UGT1A8: variants seen among roughly 807,000 people sequenced by gnomAD.
The protein encoded by UGT1A8 is UDP-glucuronosyltransferase 1A8.
In UGT1A8, 39 loss-of-function variants were observed where a neutral mutation model predicts 45.3. The ratio of observed to expected loss-of-function variants is 0.86; its 90% CI spans 0.67 to 1.12. The LOEUF (loss-of-function observed/expected upper bound fraction) is 1.12, where lower values mean the gene tolerates loss of function less well. Ranked by LOEUF, UGT1A8 falls within the 50% of genes most tolerant of loss-of-function variation. The probability of loss-of-function intolerance (pLI) is 0.00; values close to 1 mark genes in which losing one functional copy is unlikely to be tolerated. For synonymous variants in UGT1A8, 275 were observed against 249.2 expected, an observed-to-expected ratio of 1.10 and a Z score of -0.97; for missense variants, 719 against 664.9, an observed-to-expected ratio of 1.08 and a Z score of -0.90.
At chr2:233,648,664 C>G (rs2073664406) in intron 1 of UGT1A8, 1 of 278,534 alleles carries the variant, frequency 3.6e-6, no homozygotes, top group Admixed American at 4.1e-5. Context: ...CGGGGTTTCA[C>G]CGTGTTAGCC....
intron 1 of UGT1A8, among the ~76,000 whole-genome samples, chr2:233,642,960 C>T (rs888463492): frequency 2.6e-5 from 4 of 152,182 alleles, no homozygotes; most frequent in Non-Finnish European, 5.9e-5. Flanking sequence ...ACACAAGCAT[C>T]CTTGTGGCCA....
intron 4 of UGT1A8, chr2:233,771,715 T>C (rs1700358256): frequency 6.5e-6 from 1 of 152,904 alleles, no homozygotes; most frequent in African/African-American, 2.4e-5. Flanking sequence ...AAGGTTAAAA[T>C]ATTTCTAAAA....
chr2:233,663,567 C>T (rs573094523), intron 1 of UGT1A8, among the ~76,000 whole-genome samples: 28 of 152,182 alleles, frequency 1.8e-4, no homozygotes, highest in East Asian at 7.7e-4. Flanking sequence ...GTCAGAATCT[C>T]GTAACCTCCA....
chr2:233,631,486 C>A (rs552042827), intron 1 of UGT1A8, among the ~76,000 whole-genome samples: 1 of 152,310 alleles, frequency 6.6e-6, no homozygotes, highest in Non-Finnish European at 1.5e-5. Flanking sequence ...TTCTCCACAT[C>A]CTCTCCAGCA....
chr2:233,754,555 A>T (rs1416104293), intron 1 of UGT1A8: 3 of 389,270 alleles, frequency 7.7e-6, no homozygotes, highest in Non-Finnish European at 1.5e-5. Context: ...CTTGGTGTCA[A>T]TGGGGAGCAA....
rs28946879 is a variant in UGT1A8 at position 233,690,780 on chromosome 2, C to T, written c.855+72218C>T. ...AGACATACACACACACACACATACA[C>T]ACACACACACACACACACACCATTC... On this transcript the variant is annotated intron_variant, in intron 1 of 4. Transcript: ENST00000373450. 3.4e-4 allele frequency: 118 copies of T among 349,000 alleles called. No individual in the cohort carries two copies. The African/African-American group carries it at 4.1e-3, about 12-fold the overall frequency. The allele number at this position is 349,000 out of a possible 1,614,324, so 21.6% of individuals were successfully genotyped here. A position where few individuals can be genotyped will look rare whatever the true frequency, so the allele number is the denominator to read the frequency against.
chr2:233,691,086 T>A (rs2075027853), intron 1 of UGT1A8: 9 of 986,154 alleles, frequency 9.1e-6, no homozygotes, highest in Non-Finnish European at 9.6e-6. Context: ...GTTTGTAGCA[T>A]CTCTTGATCC....
chr2:233,769,716 A>G lies in UGT1A8; in HGVS notation c.1295+1277A>G, dbSNP rs1255233011. 6.7e-7 allele frequency: 1 copy of G among 1,492,612 alleles called. No individual in the cohort carries two copies. Among genetic ancestry groups the G allele is most frequent in the East Asian group, 2.5e-5 (1 of 40,446 alleles). The allele number at this position is 1,492,612 out of a possible 1,614,324, so 92.5% of individuals were successfully genotyped here. A position where few individuals can be genotyped will look rare whatever the true frequency, so the allele number is the denominator to read the frequency against. Reference sequence around the variant, plus strand: ...GATAAAAGATCAATGTTGGCTAGGCACCATGGCACACGCCTGTAGTCCCAG... The same window carrying G: ...GATAAAAGATCAATGTTGGCTAGGCGCCATGGCACACGCCTGTAGTCCCAG... On this transcript the variant is annotated intron_variant, in intron 4 of 4. Coordinates refer to ENST00000373450, the MANE Select transcript of UGT1A8 (RefSeq NM_019076.5). The surrounding 1 kb of genome is among the most constrained non-coding windows in gnomAD (Gnocchi z 4.4).
At chr2:233,677,109 G>T (rs1007638228) in intron 1 of UGT1A8, among the ~76,000 whole-genome samples, 1 of 151,970 alleles carries the variant, frequency 6.6e-6, no homozygotes, top group Non-Finnish European at 1.5e-5. Context: ...GATTGGGATT[G>T]TATTTTATTT....
rs773627969 is a variant in UGT1A8 at position 233,672,291 on chromosome 2, A to AT, written c.855+53736dup. 5.2e-5 allele frequency: 84 copies of AT among 1,613,624 alleles called. 1 individual carries two copies. The highest frequency in any genetic ancestry group is 1.6e-4 in the African/African-American group (12 of 74,856). ...GTTCATACAATGACATTTTTGACTT[A>AT]TTTTTTTCAAATTGCAGGAGTTTGT... On this transcript the variant is annotated intron_variant, in intron 1 of 4. Coordinates refer to ENST00000373450, the MANE Select transcript of UGT1A8 (RefSeq NM_019076.5).
At chr2:233,680,812 T>A (rs2074499392) in intron 1 of UGT1A8, among the ~76,000 whole-genome samples, 1 of 152,072 alleles carries the variant, frequency 6.6e-6, no homozygotes, top group Admixed American at 6.5e-5. Flanking sequence ...GGCCTGCAGC[T>A]CTGTTCAGAA....
Position 233,633,843 on chromosome 2 carries a change from T to G in UGT1A8, c.855+15281T>G, listed in dbSNP as rs186423441. 1.8e-3 allele frequency among the ~76,000 whole-genome samples: 268 copies of G among 152,336 alleles called. 1 individual carries two copies. The highest frequency in any genetic ancestry group is 4.3e-3 in the Admixed American group (66 of 15,304). On this transcript the variant is annotated intron_variant, in intron 1 of 4. Transcript: ENST00000373450. ...CTCTGATCTTAGTTTTTTCTTGTCTTCTGCTAGCTTTTGAATTTGTTTGCT... is the reference window on the plus strand; with the variant it reads ...CTCTGATCTTAGTTTTTTCTTGTCTGCTGCTAGCTTTTGAATTTGTTTGCT...
chr2:233,653,031 G>A (rs564738626), intron 1 of UGT1A8, among the ~76,000 whole-genome samples: 1 of 152,250 alleles, frequency 6.6e-6, no homozygotes, highest in African/African-American at 2.4e-5. Flanking sequence ...GAACCCACAT[G>A]GCCTCTCTAA....
At chr2:233,642,830 A>T (rs962723862) in intron 1 of UGT1A8, among the ~76,000 whole-genome samples, 2 of 151,760 alleles carry the variant, frequency 1.3e-5, no homozygotes, top group Non-Finnish European at 2.9e-5. Flanking sequence ...TCCAGCACAT[A>T]CTCTTGCTTT....
At chr2:233,696,930 A>G (rs556497492) in intron 1 of UGT1A8, among the ~76,000 whole-genome samples, 1 of 152,268 alleles carries the variant, frequency 6.6e-6, no homozygotes, top group Middle Eastern at 3.4e-3. Context: ...ATATCAATAA[A>G]TGCATCAGGA....
intron 1 of UGT1A8, chr2:233,728,958 A>T (rs2077771946): frequency 1.4e-6 from 2 of 1,444,154 alleles, no homozygotes; most frequent in African/African-American, 2.9e-5. Context: ...CCCACAGTGA[A>T]AAACAGTGAT....
chr2:233,760,654 C>T (rs1222597079), intron 1 of UGT1A8: 1 of 1,614,218 alleles, frequency 6.2e-7, no homozygotes, highest in Non-Finnish European at 8.5e-7. Context: ...CTCTGCTATG[C>T]TTTTGTCTGG....
At chr2:233,649,669 A>T (rs1334613621) in intron 1 of UGT1A8, among the ~76,000 whole-genome samples, 2 of 152,212 alleles carry the variant, frequency 1.3e-5, no homozygotes, top group African/African-American at 2.4e-5. Flanking sequence ...TGGATGCAAC[A>T]TAGACACAAG....
intron 1 of UGT1A8, chr2:233,730,138 A>G (rs1337781035): frequency 1.2e-5 from 19 of 1,525,120 alleles, no homozygotes; most frequent in African/African-American, 8.3e-5. Flanking sequence ...CTTCAGTGAG[A>G]TAAACTGTTA....
Sources: gnomAD v4.1 joint callset for allele counts (sites outside exome capture counted in the v4.1 genomes callset) on GRCh38, gnomAD v4.1.1 for gene constraint, Gnocchi (gnomAD v3.1) non-coding constraint, MANE v1.5 for transcripts, NCBI Gene and HGNC (gene_info 2026-07-23, HGNC 2026-07-21) for gene names.